Variants in CLEC17A observed in about 807,000 individuals in gnomAD.
CLEC17A encodes the protein C-type lectin domain containing 17A.
In CLEC17A, 37 loss-of-function variants were observed where a neutral mutation model predicts 61.3. The observed-to-expected ratio is 0.60, with a 90% confidence interval of 0.46 to 0.79. The LOEUF (loss-of-function observed/expected upper bound fraction) is 0.79. CLEC17A is among the 30% of genes least tolerant of loss of function. The pLI, the probability that CLEC17A is intolerant of heterozygous loss-of-function variation, is 0.00. For synonymous variants in CLEC17A, 168 were observed against 164.9 expected (o/e 1.02, Z -0.14); for missense variants, 418 against 464.7 (o/e 0.90, Z 0.92).
At chr19:14,583,606 G>A (rs184550833) in intron 2 of CLEC17A, among the ~76,000 whole-genome samples, 172 bp downstream of exon 2, 9,828 of 151,572 alleles carry the variant, frequency 0.065, 1,087 homozygotes, top group African/African-American at 0.23. Context: ...TGGCGGAGGT[G>A]GGTTTGGGCA....
chr19:14,600,205 T>C (rs774044620), intron 12 of CLEC17A, 23 bp downstream of exon 12: 8 of 1,612,334 alleles, frequency 5.0e-6, no homozygotes, highest in Non-Finnish European at 6.8e-6. Flanking sequence ...CACTGAACCT[T>C]TGAGAACCTT....
intron 3 of CLEC17A, among the ~76,000 whole-genome samples, chr19:14,591,886 C>G (rs2074426859): frequency 7.4e-6 from 1 of 134,904 alleles, no homozygotes; most frequent in African/African-American, 3.0e-5. Context: ...TGAATCCAAA[C>G]TCCGGAGAAA....
chr19:14,591,172 T>TG (rs1232105004), intron 3 of CLEC17A, among the ~76,000 whole-genome samples: 11 of 151,372 alleles, frequency 7.3e-5, no homozygotes. Flanking sequence ...TTTTTTTTTT[T>TG]GAGACAGAGT....
chr19:14,596,431 G>T (rs1320658313), intron 8 of CLEC17A, among the ~76,000 whole-genome samples: 1 of 152,014 alleles, frequency 6.6e-6, no homozygotes, highest in Non-Finnish European at 1.5e-5. Flanking sequence ...AGGAGTTCAA[G>T]ACCATCCTGG....
chr19:14,606,904 C>A (rs2074892558), intron 12 of CLEC17A, 89 bp from the exon 13 acceptor site: 1 of 549,534 alleles, frequency 1.8e-6, no homozygotes. Flanking sequence ...GTTCCCAAGC[C>A]CTAAATATGT....
At chr19:14,590,990 G>C (rs572261175) in intron 3 of CLEC17A, among the ~76,000 whole-genome samples, 1 of 151,732 alleles carries the variant, frequency 6.6e-6, no homozygotes, top group East Asian at 1.9e-4. Context: ...GAGCCACTGC[G>C]CCCAGCCTAT....
At chr19:14,586,218 C>T (rs1377818347) in intron 2 of CLEC17A, among the ~76,000 whole-genome samples, 27 of 151,552 alleles carry the variant, frequency 1.8e-4, no homozygotes, top group South Asian at 4.2e-4. Context: ...CTCTGCCTCC[C>T]GGGTTCAAGT....
At position 14,611,335 on chromosome 19, in the gene CLEC17A, C is replaced by T. The variant is rs1385480050; in HGVS notation, c.*1139C>T. ...GCACAAGCTAAGTGGCAGAATCAGACTTTTGCCAGAAGACTTGGCCCGTGG... is the reference window on the plus strand; with the variant it reads ...GCACAAGCTAAGTGGCAGAATCAGATTTTTGCCAGAAGACTTGGCCCGTGG... On this transcript the variant is annotated 3_prime_UTR_variant, in exon 14 of 14. Coordinates refer to ENST00000417570, the MANE Select transcript of CLEC17A (RefSeq NM_001204118.2). 6.8e-6 allele frequency among the ~76,000 whole-genome samples: 1 copy of T among 146,318 alleles called. No homozygotes were observed. The highest frequency in any genetic ancestry group is 2.5e-5 in the African/African-American group (1 of 39,652).
At chr19:14,586,748 G>C (rs986713812) in intron 2 of CLEC17A, among the ~76,000 whole-genome samples, 4 of 152,040 alleles carry the variant, frequency 2.6e-5, no homozygotes, top group African/African-American at 9.7e-5. Flanking sequence ...CTCTTTACTG[G>C]TTTATTGTGT....
intron 12 of CLEC17A, among the ~76,000 whole-genome samples, chr19:14,600,958 A>C (rs1255754875): frequency 1.6e-5 from 2 of 124,334 alleles, no homozygotes; most frequent in African/African-American, 3.2e-5. Context: ...GCTGGAGTGC[A>C]GTGGTGCAAT....
In CLEC17A at chr19:14,606,994, A is replaced by G; in HGVS notation, c.896A>G (p.Asn299Ser). ...LVIINSFAEH[N>S]FVAKAHGSPR... ...GCTGAATGGAATTTTTATTTGCAGAATTTTGTGGCCAAGGCCCATGGCTCT... is the reference window on the plus strand; with the variant it reads ...GCTGAATGGAATTTTTATTTGCAGAGTTTTGTGGCCAAGGCCCATGGCTCT... The change falls in exon 13 of 14, where the codon AAT becomes AGT. Residue 299 changes from asparagine to serine, a missense_variant and splice_region_variant. Asn to Ser is a conservative substitution (Grantham distance 46). Coordinates refer to ENST00000417570, the MANE Select transcript of CLEC17A (RefSeq NM_001204118.2). The G allele has an allele frequency of 7.8e-7, 1 of 1,276,050 alleles. No homozygotes were observed. Among genetic ancestry groups the G allele is most frequent in the East Asian group, 3.0e-5 (1 of 33,054 alleles). 79.0% of individuals were successfully genotyped at this position (1,276,050 alleles called of 1,614,324 possible). A position where few individuals can be genotyped will look rare whatever the true frequency, so the allele number is the denominator to read the frequency against.
chr19:14,600,196 A>C lies in CLEC17A; in HGVS notation c.894+14A>C. ...TTTGCTGAGCACGTGAGTTCTTCCC[A>C]CTGAACCTTTGAGAACCTTCAGGGA... On this transcript the variant is annotated intron_variant, in intron 12 of 13. Coordinates refer to ENST00000417570, the MANE Select transcript of CLEC17A (RefSeq NM_001204118.2). The C allele has an allele frequency of 1.9e-6, 3 of 1,613,290 alleles. No homozygotes were observed. Among genetic ancestry groups the C allele is most frequent in the Non-Finnish European group, 2.5e-6 (3 of 1,179,358 alleles).
Position 14,610,277 on chromosome 19 carries a change from C to T in CLEC17A, c.*81C>T. The T allele has an allele frequency of 6.6e-7, 1 of 1,519,026 alleles. No homozygotes were observed. The highest frequency in any genetic ancestry group is 2.1e-4 in the Middle Eastern group (1 of 4,670). 94.1% of individuals were successfully genotyped at this position (1,519,026 alleles called of 1,614,324 possible). A position where few individuals can be genotyped will look rare whatever the true frequency, so the allele number is the denominator to read the frequency against. On this transcript the variant is annotated 3_prime_UTR_variant, in exon 14 of 14. Transcript: ENST00000417570. ...TCCTGCCCTTTCGTGGACGGCCTTG[C>T]CTCTTCGTGAGTGGACACACAGATG...
chr19:14,582,752 C>T (rs946980167), upstream of CLEC17A, among the ~76,000 whole-genome samples: 1 of 152,014 alleles, frequency 6.6e-6, no homozygotes, highest in Non-Finnish European at 1.5e-5. Context: ...GGATTACAGG[C>T]GCCTGCCACT....
upstream of CLEC17A, among the ~76,000 whole-genome samples, chr19:14,582,088 A>G (rs759960443): frequency 2.0e-5 from 3 of 152,202 alleles, no homozygotes; most frequent in Non-Finnish European, 4.4e-5. Context: ...CAGCCTCTGC[A>G]GTTGCATTCT....
Position 14,596,887 on chromosome 19 carries a change from C to T in CLEC17A, c.457C>T (p.Pro153Ser). ...LQPSLAATPV[P>S]WLNQRSGGPG... ...TCCCCACTCCCCAGCAACTCCAGTC[C>T]CCTGGCTCAATCAGAGGTCTGGAGG... The change falls in exon 9 of 14, where the codon CCC (proline) becomes TCC (serine). Residue 153 changes from proline (P) to serine (S), a missense_variant. Pro to Ser is a moderately conservative substitution (Grantham distance 74, BLOSUM62 -1). Transcript: ENST00000417570. 1 of 1,609,102 alleles carries T rather than the reference C, an allele frequency of 6.2e-7. No individual in the cohort carries two copies. The highest frequency in any genetic ancestry group is 8.5e-7 in the Non-Finnish European group (1 of 1,177,928).
chr19:14,604,787 T>A lies in CLEC17A; in HGVS notation c.895-2206T>A, dbSNP rs143281274. ...CAAAAAAAAAATTTTTTTTTTAAAGTCACCAGATAACTTTGGATTAAAGAA... is the reference window on the plus strand; with the variant it reads ...CAAAAAAAAAATTTTTTTTTTAAAGACACCAGATAACTTTGGATTAAAGAA... On this transcript the variant is annotated intron_variant, in intron 12 of 13. Coordinates refer to ENST00000417570, the MANE Select transcript of CLEC17A (RefSeq NM_001204118.2). Among the ~76,000 whole-genome samples the A allele has an allele frequency of 8.6e-3, 1,312 of 151,936 alleles. 11 individuals are homozygous for A. The highest frequency in any genetic ancestry group is 0.015 in the Non-Finnish European group (1,029 of 67,968).
At chr19:14,595,371 A>G (rs2074519020) in intron 8 of CLEC17A, 56 bp downstream of exon 8, 2 of 1,588,340 alleles carry the variant, frequency 1.3e-6, no homozygotes, top group Admixed American at 1.7e-5. Context: ...ATTGAGACCT[A>G]TGGCTCTACA....
intron 10 of CLEC17A, among the ~76,000 whole-genome samples, chr19:14,598,523 G>T (rs1324146581): frequency 6.6e-6 from 1 of 151,452 alleles, no homozygotes; most frequent in African/African-American, 2.4e-5. Context: ...GCCCAGGCCG[G>T]AGTACAGTGG....
Sources: gnomAD v4.1 joint callset for allele counts (sites outside exome capture counted in the v4.1 genomes callset) on GRCh38, gnomAD v4.1.1 for gene constraint, MANE v1.5 for transcripts, NCBI Gene and HGNC (gene_info 2026-07-23, HGNC 2026-07-21) for gene names.